Variants in RBFOX1 observed in about 807,000 individuals in gnomAD.
The protein encoded by RBFOX1 is RNA binding fox-1 homolog 1.
Under a neutral mutation model 57.7 loss-of-function variants are expected in RBFOX1, and 8 were observed. The ratio of observed to expected loss-of-function variants is 0.14; its 90% CI spans 0.08 to 0.25. The LOEUF (loss-of-function observed/expected upper bound fraction) is 0.25. RBFOX1 is among the 10% of genes least tolerant of loss of function. The pLI is 1.00. For synonymous variants in RBFOX1, 326 were observed against 222.4 expected (o/e 1.47, Z -4.15); for missense variants, 611 against 548.5 (o/e 1.11, Z -1.14).
chr16:6,480,233 A>G (rs192300311), intron 2 of RBFOX1, among the ~76,000 whole-genome samples: 63 of 152,344 alleles, frequency 4.1e-4, no homozygotes, highest in African/African-American at 1.4e-3. Flanking sequence ...GTACACACAT[A>G]TAACATATAG....
chr16:5,654,768 CCTTCCTCCTT>C (rs1760583573), intron 3 of RBFOX1, among the ~76,000 whole-genome samples: 1 of 151,746 alleles, frequency 6.6e-6, no homozygotes, highest in Non-Finnish European at 1.5e-5. Flanking sequence ...TTCCCTTCCT[CCTTCCTCCTT>C]CTTCCTTCTT....
intron 3 of RBFOX1, among the ~76,000 whole-genome samples, chr16:6,771,876 C>T (rs1603619064): frequency 6.6e-6 from 1 of 152,114 alleles, no homozygotes; most frequent in African/African-American, 2.4e-5. Flanking sequence ...TGTCTTTTCC[C>T]TTCTCCCCAT....
chr16:6,443,682 T>C (rs2153031711), intron 2 of RBFOX1, among the ~76,000 whole-genome samples: 1 of 152,338 alleles, frequency 6.6e-6, no homozygotes, highest in South Asian at 2.1e-4. Context: ...ACTGAAATGA[T>C]AGAGAAAAAT....
intron 1 of RBFOX1, among the ~76,000 whole-genome samples, chr16:5,348,062 G>C (rs1528324): frequency 7.6e-6 from 1 of 132,016 alleles, no homozygotes; most frequent in Admixed American, 7.7e-5. Context: ...CTTCCACTCA[G>C]TCACCCTCTG....
chr16:7,191,069 G>T (rs1470269715), intron 4 of RBFOX1, among the ~76,000 whole-genome samples: 1 of 152,088 alleles, frequency 6.6e-6, no homozygotes, highest in African/African-American at 2.4e-5. Flanking sequence ...GGATGTGAGT[G>T]TGATATCATT....
intron 3 of RBFOX1, among the ~76,000 whole-genome samples, chr16:6,837,863 T>C (rs1405213742): frequency 6.6e-6 from 1 of 152,074 alleles, no homozygotes; most frequent in Non-Finnish European, 1.5e-5. Flanking sequence ...TGGCGGAAAC[T>C]GAGAAGAGGC....
At chr16:7,686,127 C>A (rs929542207) in intron 14 of RBFOX1, among the ~76,000 whole-genome samples, 1 of 151,542 alleles carries the variant, frequency 6.6e-6, no homozygotes. Context: ...ACTTAGTTCT[C>A]AGGATATTAG....
chr16:6,947,048 A>C (rs1224918165), intron 3 of RBFOX1, among the ~76,000 whole-genome samples: 1 of 152,116 alleles, frequency 6.6e-6, no homozygotes, highest in Non-Finnish European at 1.5e-5. Flanking sequence ...CAGGCTCCTC[A>C]TCTGTAATTG....
chr16:6,325,242 C>G (rs2082244731), intron 2 of RBFOX1, among the ~76,000 whole-genome samples: 1 of 152,056 alleles, frequency 6.6e-6, no homozygotes, highest in African/African-American at 2.4e-5. Flanking sequence ...ACCTATGGTC[C>G]TAGCTACTTC....
At chr16:5,335,346 C>G (rs2064868946) in intron 1 of RBFOX1, among the ~76,000 whole-genome samples, 1 of 152,134 alleles carries the variant, frequency 6.6e-6, no homozygotes, top group Non-Finnish European at 1.5e-5. Flanking sequence ...AGGTGAAGAT[C>G]TGAAGGTGCC....
intron 3 of RBFOX1, among the ~76,000 whole-genome samples, chr16:6,807,463 C>A (rs113019548): frequency 6.6e-6 from 1 of 152,100 alleles, no homozygotes; most frequent in Admixed American, 6.6e-5. Context: ...GAGTAGCACA[C>A]AGGGCTGGGG....
At chr16:6,387,879 C>G (rs534970803) in intron 2 of RBFOX1, among the ~76,000 whole-genome samples, 22 of 151,902 alleles carry the variant, frequency 1.4e-4, no homozygotes, top group Non-Finnish European at 2.9e-4. Context: ...TGGCTTCCAC[C>G]TGGCTCTGAG....
intron 3 of RBFOX1, among the ~76,000 whole-genome samples, chr16:6,690,869 C>T (rs2060114848): frequency 6.6e-6 from 1 of 151,498 alleles, no homozygotes; most frequent in Admixed American, 6.6e-5. Context: ...CCCCCTTGGA[C>T]TCTGAAACAT....
intron 1 of RBFOX1, among the ~76,000 whole-genome samples, chr16:6,148,473 C>T (rs1471285957): frequency 1.3e-5 from 2 of 152,218 alleles, no homozygotes; most frequent in East Asian, 3.9e-4. Context: ...CATCCCCCAG[C>T]TACTGGCATG....
rs142080785 is a variant in RBFOX1 at position 6,771,255 on chromosome 16, T to C, written c.-16+116605T>C. The stretch of plus-strand genomic sequence containing the variant: ...TCTACCCTCCAGAATTGTGAGAAAA[T>C]AAATTTCTGTTGTTTAAGCCACACA... On this transcript the variant is annotated intron_variant, in intron 3 of 15. Transcript: ENST00000550418. Among the ~76,000 whole-genome samples, 1,454 of 152,120 alleles carry C rather than the reference T, an allele frequency of 9.6e-3. 28 individuals carry two copies. Among genetic ancestry groups the C allele is most frequent in the African/African-American group, 0.033 (1,375 of 41,496 alleles).
intron 3 of RBFOX1, among the ~76,000 whole-genome samples, chr16:6,804,919 A>G (rs2086367962): frequency 6.6e-6 from 1 of 152,228 alleles, no homozygotes; most frequent in Admixed American, 6.5e-5. Flanking sequence ...AGCGAGATTC[A>G]AAGACTTCTC....
chr16:6,814,411 G>T (rs971749458), intron 3 of RBFOX1, among the ~76,000 whole-genome samples: 3 of 152,168 alleles, frequency 2.0e-5, no homozygotes, highest in Admixed American at 6.5e-5. Flanking sequence ...AATAATCTCT[G>T]TGTGTCAAGC....
At chr16:7,564,200 C>A (rs9937715) in intron 5 of RBFOX1, among the ~76,000 whole-genome samples, 132,192 of 152,002 alleles carry the variant, frequency 0.87, 58,714 homozygotes, top group Non-Finnish European at 0.97. Flanking sequence ...ATACAGGAGG[C>A]AGAGATATCA....
chr16:5,756,629 C>T (rs1025996527), intron 3 of RBFOX1, among the ~76,000 whole-genome samples: 1 of 152,172 alleles, frequency 6.6e-6, no homozygotes, highest in East Asian at 1.9e-4. Flanking sequence ...ACCATTTATG[C>T]CTGCTGCCTG....
Sources: allele counts gnomAD v4.1 joint callset (sites outside exome capture counted in the v4.1 genomes callset), GRCh38; gene constraint gnomAD v4.1.1; transcripts MANE v1.5; gene names NCBI Gene and HGNC (gene_info 2026-07-23, HGNC 2026-07-21).